Variants in LRRTM4 observed in about 807,000 individuals in gnomAD.
LRRTM4 encodes leucine-rich repeat transmembrane neuronal protein 4.
Under a neutral mutation model 47.6 loss-of-function variants are expected in LRRTM4, and 25 were observed. The observed-to-expected ratio is 0.53, with a 90% confidence interval of 0.38 to 0.73. LRRTM4 has a LOEUF of 0.73. LRRTM4 is among the 30% of genes least tolerant of loss of function. LRRTM4 has a pLI of 0.00. For synonymous variants in LRRTM4, 311 were observed against 269.5 expected (o/e 1.15, Z -1.51); for missense variants, 638 against 713.4 (o/e 0.89, Z 1.20).
At chr2:76,972,724 C>A (rs1296505814) in intron 3 of LRRTM4, among the ~76,000 whole-genome samples, 1 of 151,866 alleles carries the variant, frequency 6.6e-6, no homozygotes, top group African/African-American at 2.4e-5. Flanking sequence ...CCAGCCTGAA[C>A]AACTTTTATA....
intron 3 of LRRTM4, among the ~76,000 whole-genome samples, chr2:77,177,052 A>G (rs1299280475): frequency 6.6e-6 from 1 of 152,224 alleles, no homozygotes; most frequent in Non-Finnish European, 1.5e-5. Context: ...TAAGAAACTC[A>G]TACATATTAA....
chr2:76,750,785 G>C (rs922759656), intron 3 of LRRTM4, among the ~76,000 whole-genome samples: 1 of 152,044 alleles, frequency 6.6e-6, no homozygotes, highest in South Asian at 2.1e-4. Context: ...TTAATACAAC[G>C]TTGACACAAA....
intron 3 of LRRTM4, among the ~76,000 whole-genome samples, chr2:76,913,833 C>G (rs1478227863): frequency 6.6e-6 from 1 of 151,854 alleles, no homozygotes; most frequent in Non-Finnish European, 1.5e-5. Flanking sequence ...ACCACCATGC[C>G]CAGCCGCTAT....
intron 3 of LRRTM4, among the ~76,000 whole-genome samples, chr2:77,155,590 T>A (rs543086713): frequency 4.6e-4 from 70 of 151,810 alleles, no homozygotes; most frequent in Non-Finnish European, 6.3e-4. Context: ...AACACATAAC[T>A]TATAATACAT....
intron 3 of LRRTM4, among the ~76,000 whole-genome samples, chr2:77,398,774 T>A (rs1206975157): frequency 6.6e-6 from 1 of 151,832 alleles, no homozygotes; most frequent in Non-Finnish European, 1.5e-5. Flanking sequence ...ACCCTGATAA[T>A]GACCTTATGG....
intron 3 of LRRTM4, among the ~76,000 whole-genome samples, chr2:77,262,588 T>G (rs377739957): frequency 2.6e-5 from 4 of 151,992 alleles, no homozygotes; most frequent in African/African-American, 9.7e-5. Context: ...TGTGAGTCTC[T>G]CAGACTTTAC....
intron 3 of LRRTM4, among the ~76,000 whole-genome samples, chr2:77,164,486 C>T (rs1321176969): frequency 6.6e-6 from 1 of 152,172 alleles, no homozygotes; most frequent in African/African-American, 2.4e-5. Context: ...AACTCTCCAC[C>T]CCAAATCAAC....
chr2:77,277,168 C>T (rs1018497943), intron 3 of LRRTM4, among the ~76,000 whole-genome samples: 3 of 151,942 alleles, frequency 2.0e-5, no homozygotes, highest in African/African-American at 7.2e-5. Context: ...CTACTTTTCA[C>T]TCTTTGGAAA....
intron 3 of LRRTM4, among the ~76,000 whole-genome samples, chr2:77,179,396 C>G (rs1270565669): frequency 6.6e-6 from 1 of 152,132 alleles, no homozygotes; most frequent in Non-Finnish European, 1.5e-5. Flanking sequence ...TGTCCTGAGT[C>G]AGAGGTTCTT....
chr2:77,232,113 A>T (rs1674981305), intron 3 of LRRTM4, among the ~76,000 whole-genome samples: 1 of 152,120 alleles, frequency 6.6e-6, no homozygotes, highest in African/African-American at 2.4e-5. Context: ...AGGTTCCAGG[A>T]GGGCACACAT....
chr2:76,751,681 C>T (rs1672854526), intron 3 of LRRTM4, among the ~76,000 whole-genome samples: 1 of 151,992 alleles, frequency 6.6e-6, no homozygotes, highest in African/African-American at 2.4e-5. Flanking sequence ...AAATGTTTGC[C>T]AGCGGGACCT....
At chr2:76,978,410 T>C (rs560176009) in intron 3 of LRRTM4, among the ~76,000 whole-genome samples, 6 of 152,210 alleles carry the variant, frequency 3.9e-5, no homozygotes, top group Admixed American at 2.0e-4. Flanking sequence ...GCTGTAGTCA[T>C]TTTTTCTTAT....
chr2:77,259,138 A>C (rs575776541), intron 3 of LRRTM4, among the ~76,000 whole-genome samples: 1 of 152,196 alleles, frequency 6.6e-6, no homozygotes, highest in African/African-American at 2.4e-5. Flanking sequence ...TGTGTTTTTT[A>C]AAGTACTAAT....
At chr2:77,470,498 C>T (rs1677149202) in intron 3 of LRRTM4, among the ~76,000 whole-genome samples, 1 of 152,188 alleles carries the variant, frequency 6.6e-6, no homozygotes, top group South Asian at 2.1e-4. Context: ...TCATTTGGTA[C>T]AATGAAGACA....
At position 77,001,709 on chromosome 2, in the gene LRRTM4, C is replaced by T. The variant is rs549134090; in HGVS notation, c.1552-252793G>A. Among the ~76,000 whole-genome samples the T allele has an allele frequency of 1.6e-4, 25 of 152,208 alleles. No homozygotes were observed. In the South Asian group the frequency reaches 3.5e-3, roughly 21 times the overall value. Reference sequence around the variant, plus strand: ...TATTCCAAAAATTAAAACTCAATTGCGAGAGACACTGAAGGACAAAGAATT... The same window carrying T: ...TATTCCAAAAATTAAAACTCAATTGTGAGAGACACTGAAGGACAAAGAATT... On this transcript the variant is annotated intron_variant, in intron 3 of 3. Coordinates refer to ENST00000409884, the MANE Select transcript of LRRTM4 (RefSeq NM_001134745.3).
At chr2:77,127,893 C>T (rs1671690258) in intron 3 of LRRTM4, among the ~76,000 whole-genome samples, 1 of 152,128 alleles carries the variant, frequency 6.6e-6, no homozygotes, top group Non-Finnish European at 1.5e-5. Flanking sequence ...GCCTGTAATC[C>T]CAGCACTTTG....
At chr2:76,868,602 C>T (rs1040853166) in intron 3 of LRRTM4, among the ~76,000 whole-genome samples, 3 of 152,090 alleles carry the variant, frequency 2.0e-5, no homozygotes, top group Non-Finnish European at 4.4e-5. Flanking sequence ...TGTAGCTTTC[C>T]CTCAACTTAA....
chr2:77,042,739 A>C (rs931752441), intron 3 of LRRTM4, among the ~76,000 whole-genome samples: 1 of 151,774 alleles, frequency 6.6e-6, no homozygotes, highest in Non-Finnish European at 1.5e-5. Context: ...ACCTATATTC[A>C]TCAAGAGCAT....
chr2:77,318,440 C>T (rs1677684797), intron 3 of LRRTM4, among the ~76,000 whole-genome samples: 1 of 152,188 alleles, frequency 6.6e-6, no homozygotes, highest in African/African-American at 2.4e-5. Context: ...ATGGACTTCA[C>T]AACACCTTGA....
Sources: allele counts gnomAD v4.1 joint callset (sites outside exome capture counted in the v4.1 genomes callset), GRCh38; gene constraint gnomAD v4.1.1; transcripts MANE v1.5; gene names NCBI Gene and HGNC (gene_info 2026-07-23, HGNC 2026-07-21).